LDLRAD3: variants seen among roughly 807,000 people sequenced by gnomAD.
LDLRAD3 encodes the protein low density lipoprotein receptor class A domain containing 3, also known as low-density lipoprotein receptor class A domain-containing protein 3.
In LDLRAD3, 20 loss-of-function variants were observed where a neutral mutation model predicts 29.4. That is an observed-to-expected ratio of 0.68 (90% CI 0.48 to 0.99). LDLRAD3 has a LOEUF of 0.99. Ranked by LOEUF, LDLRAD3 falls within the 50% of genes least tolerant of loss-of-function variation. The probability of loss-of-function intolerance (pLI) is 0.00; values close to 1 mark genes in which losing one functional copy is unlikely to be tolerated. For missense variants in LDLRAD3, 420 were observed against 454.3 expected (o/e 0.92, Z 0.69); for synonymous variants, 157 against 192.7 (o/e 0.81, Z 1.53).
intron 5 of LDLRAD3, 22 bp downstream of exon 5, chr11:36,227,452 T>C (rs1565318575): frequency 2.6e-6 from 4 of 1,509,482 alleles, no homozygotes; most frequent in African/African-American, 1.4e-5. Flanking sequence ...ATGGAAGAGA[T>C]TGAGGCGGGA....
chr11:36,053,235 C>CT (rs1212856808), intron 2 of LDLRAD3, among the ~76,000 whole-genome samples: 1 of 151,854 alleles, frequency 6.6e-6, no homozygotes, highest in South Asian at 2.1e-4. Context: ...TCTAAGCAGC[C>CT]TTTTTTTTCT....
chr11:36,015,980 G>A (rs971315709), intron 1 of LDLRAD3, among the ~76,000 whole-genome samples: 11 of 152,230 alleles, frequency 7.2e-5, no homozygotes, highest in Non-Finnish European at 1.5e-4. Context: ...CATGGAAATA[G>A]GAGTCCAGAG....
At chr11:35,973,902 G>T (rs10430961) in intron 1 of LDLRAD3, among the ~76,000 whole-genome samples, 55,059 of 152,044 alleles carry the variant, frequency 0.36, 10,384 homozygotes, top group East Asian at 0.6. Context: ...CACACATTTT[G>T]ATCCTAGTCA....
At position 36,081,762 on chromosome 11, in the gene LDLRAD3, C is replaced by T. The variant is rs528767129; in HGVS notation, c.303C>T (p.Ser101=). 1.7e-5 allele frequency: 27 copies of T among 1,614,192 alleles called. No homozygotes were observed. Among genetic ancestry groups the T allele is most frequent in the African/African-American group, 1.3e-4 (10 of 75,048 alleles). The change falls in exon 3 of 6, where the codon AGC becomes AGT. Residue 101 remains serine, a synonymous_variant. Coordinates refer to ENST00000315571, the MANE Select transcript of LDLRAD3 (RefSeq NM_174902.4). ...CNGFEDCPDG[S]DEENCTANPL... ...GGTTTGAGGACTGTCCCGATGGCAGCGATGAAGAGAACTGCAGTAAGTGCT... is the reference window on the plus strand; with the variant it reads ...GGTTTGAGGACTGTCCCGATGGCAGTGATGAAGAGAACTGCAGTAAGTGCT...
At chr11:36,198,441 C>A (rs1855067612) in intron 4 of LDLRAD3, among the ~76,000 whole-genome samples, 1 of 152,122 alleles carries the variant, frequency 6.6e-6, no homozygotes, top group Admixed American at 6.5e-5. Flanking sequence ...GATATACTGT[C>A]CACTAATGTG....
At chr11:35,949,920 A>G (rs1029876480) in intron 1 of LDLRAD3, among the ~76,000 whole-genome samples, 1 of 152,194 alleles carries the variant, frequency 6.6e-6, no homozygotes, top group African/African-American at 2.4e-5. Flanking sequence ...AGCCTTCTGT[A>G]GTGAGGAGCT....
chr11:36,170,330 G>A (rs1289181803), intron 4 of LDLRAD3, among the ~76,000 whole-genome samples: 1 of 146,386 alleles, frequency 6.8e-6, no homozygotes, highest in East Asian at 2.0e-4. Context: ...ATGTATATAT[G>A]TACGTATATA....
At chr11:35,953,655 C>T (rs185975515) in intron 1 of LDLRAD3, among the ~76,000 whole-genome samples, 3 of 152,064 alleles carry the variant, frequency 2.0e-5, no homozygotes, top group East Asian at 1.9e-4. Context: ...TTCCACAGTC[C>T]GTTGAAAAAA....
At chr11:35,975,441 A>T (rs144162373) in intron 1 of LDLRAD3, among the ~76,000 whole-genome samples, 1 of 152,334 alleles carries the variant, frequency 6.6e-6, no homozygotes, top group Non-Finnish European at 1.5e-5. Flanking sequence ...CAGAACAGGC[A>T]TCTGGAAGAA....
At chr11:36,089,588 C>T (rs1030177393) in intron 3 of LDLRAD3, among the ~76,000 whole-genome samples, 2 of 152,004 alleles carry the variant, frequency 1.3e-5, no homozygotes, top group African/African-American at 4.8e-5. Flanking sequence ...CCACAAAGCC[C>T]AGCTAATTTT....
rs770326887 is a variant in LDLRAD3, at chr11:36,098,440, G to A, written c.433G>A (p.Glu145Lys). 1.2e-6 allele frequency: 2 copies of A among 1,614,232 alleles called. No individual in the cohort carries two copies. Among genetic ancestry groups the A allele is most frequent in the South Asian group, 1.1e-5 (1 of 91,086 alleles). ...QNNCQDNSDE[E>K]SCESSQEPGS... ...TAACTGTCAAGACAACAGTGATGAGGAAAGCTGTGAAAGTTCTCAAGGTAG... is the reference window on the plus strand; with the variant it reads ...TAACTGTCAAGACAACAGTGATGAGAAAAGCTGTGAAAGTTCTCAAGGTAG... The change falls in exon 4 of 6, where the codon GAA becomes AAA. Residue 145 changes from glutamate (E) to lysine (K), a missense_variant. This residue lies in a region of LDLRAD3 where 224 missense variants were observed against 222.2 expected (regional missense o/e 1.01). Coordinates refer to ENST00000315571, the MANE Select transcript of LDLRAD3 (RefSeq NM_174902.4).
At chr11:36,104,730 C>T (rs918551030) in intron 4 of LDLRAD3, among the ~76,000 whole-genome samples, 3 of 152,174 alleles carry the variant, frequency 2.0e-5, no homozygotes, top group Admixed American at 2.0e-4. Flanking sequence ...ATAGTTTGTT[C>T]CTGGTCTAGT....
chr11:36,098,073 A>G (rs1853389366), intron 3 of LDLRAD3, among the ~76,000 whole-genome samples: 1 of 152,248 alleles, frequency 6.6e-6, no homozygotes, highest in South Asian at 2.1e-4. Flanking sequence ...ATCAATATTC[A>G]GTTATTAAGC....
intron 2 of LDLRAD3, among the ~76,000 whole-genome samples, chr11:36,051,210 C>T (rs1852522927): frequency 6.6e-6 from 1 of 152,144 alleles, no homozygotes; most frequent in Admixed American, 6.6e-5. Flanking sequence ...TATGGTGATT[C>T]CTATGGCTGG....
chr11:36,163,275 C>A (rs1280367984), intron 4 of LDLRAD3: 2 of 152,242 alleles, frequency 1.3e-5, no homozygotes, highest in Non-Finnish European at 2.9e-5. Context: ...ATAAATGGAG[C>A]CTGAAAAGAG....
intron 1 of LDLRAD3, among the ~76,000 whole-genome samples, chr11:35,966,308 C>T (rs1273002625): frequency 6.6e-6 from 1 of 152,082 alleles, no homozygotes; most frequent in Non-Finnish European, 1.5e-5. Context: ...ACCTGTAGTC[C>T]CAGCTCCTCG....
intron 1 of LDLRAD3, among the ~76,000 whole-genome samples, chr11:36,024,085 G>C (rs1383636191): frequency 6.6e-6 from 1 of 152,068 alleles, no homozygotes; most frequent in Admixed American, 6.5e-5. Context: ...AACCAGCCCA[G>C]ATTCCAGCAG....
intron 1 of LDLRAD3, among the ~76,000 whole-genome samples, chr11:35,952,013 C>A (rs1851141879): frequency 6.6e-6 from 1 of 152,220 alleles, no homozygotes; most frequent in Non-Finnish European, 1.5e-5. Flanking sequence ...CCTACCCATG[C>A]TTTTAAAAAC....
At chr11:35,971,824 A>G (rs1446816354) in intron 1 of LDLRAD3, among the ~76,000 whole-genome samples, 3 of 152,180 alleles carry the variant, frequency 2.0e-5, no homozygotes, top group African/African-American at 2.4e-5. Context: ...AGGGAGATCT[A>G]CAGAGGTGGG....
Sources: gnomAD v4.1 joint callset for allele counts (sites outside exome capture counted in the v4.1 genomes callset) on GRCh38, gnomAD v4.1.1 for gene constraint, gnomAD v4.1.1 regional missense constraint, MANE v1.5 for transcripts, NCBI Gene and HGNC (gene_info 2026-07-23, HGNC 2026-07-21) for gene names.